NPLOC4: variants seen among roughly 807,000 people sequenced by gnomAD.
The protein encoded by NPLOC4 is NPL4 homolog, ubiquitin recognition factor, also known as nuclear protein localization protein 4 homolog.
A neutral mutation model predicts 80.6 loss-of-function variants in NPLOC4; 18 were observed. The ratio of observed to expected loss-of-function variants is 0.22; its 90% confidence interval spans 0.15 to 0.33. The LOEUF (loss-of-function observed/expected upper bound fraction) is 0.33, where lower values mean the gene tolerates loss of function less well. NPLOC4 is among the 10% of genes least tolerant of loss of function. The probability of loss-of-function intolerance (pLI) is 1.00; values close to 1 mark genes in which losing one functional copy is unlikely to be tolerated. For missense variants in NPLOC4, 540 were observed against 786.1 expected (o/e 0.69, Z 3.74); for synonymous variants, 313 against 301.5 (o/e 1.04, Z -0.39).
intron 4 of NPLOC4, among the ~76,000 whole-genome samples, 173 bp from the exon 5 acceptor site, chr17:81,610,431 T>C (rs2035310504): frequency 6.6e-6 from 1 of 152,214 alleles, no homozygotes; most frequent in Non-Finnish European, 1.5e-5. Context: ...TTGTTTTGTT[T>C]AAAGACAGGC....
At position 81,559,242 on chromosome 17, in the gene NPLOC4, AGCAGAGG is replaced by A. The variant is rs758536511; in HGVS notation, c.*10_*16del. 1.3e-6 allele frequency: 2 copies of A among 1,590,138 alleles called. No individual in the cohort carries two copies. The highest frequency in any genetic ancestry group is 1.7e-6 in the Non-Finnish European group (2 of 1,169,480). Reference sequence around the variant, plus strand: ...GGCTGGGCTGGGCCCGGTCCTAGCCAGCAGAGGGCAGGCGCCCTAGGTCCTGGGGAGG... The same window carrying A: ...GGCTGGGCTGGGCCCGGTCCTAGCCAGCAGGCGCCCTAGGTCCTGGGGAGG... On this transcript the variant is annotated 3_prime_UTR_variant, in exon 17 of 17. Coordinates refer to ENST00000331134, the MANE Select transcript of NPLOC4 (RefSeq NM_017921.4).
chr17:81,590,748 T>C (rs944082086), intron 11 of NPLOC4, among the ~76,000 whole-genome samples: 50 of 152,160 alleles, frequency 3.3e-4, no homozygotes, highest in African/African-American at 1.2e-3. Context: ...AGAAACGTAG[T>C]GCACATGGCT....
chr17:81,629,138 A>C (rs767605501), intron 2 of NPLOC4, among the ~76,000 whole-genome samples: 3 of 151,108 alleles, frequency 2.0e-5, no homozygotes, highest in Non-Finnish European at 1.5e-5. Flanking sequence ...TCGGCCTCCC[A>C]AAGTGCTGCG....
chr17:81,618,030 G>A (rs1241010504), intron 3 of NPLOC4, among the ~76,000 whole-genome samples: 1 of 152,214 alleles, frequency 6.6e-6, no homozygotes, highest in Non-Finnish European at 1.5e-5. Flanking sequence ...CCAGCCGCCT[G>A]CCTTGGCCTC....
At chr17:81,630,220 T>C (rs985077743) in intron 1 of NPLOC4, among the ~76,000 whole-genome samples, 3 of 151,798 alleles carry the variant, frequency 2.0e-5, no homozygotes, top group African/African-American at 7.3e-5. Flanking sequence ...CCAGGATCTA[T>C]ATACAAACAT....
At chr17:81,627,389 CAAA>C (rs532509354) in intron 2 of NPLOC4, among the ~76,000 whole-genome samples, 1 of 124,420 alleles carries the variant, frequency 8.0e-6, no homozygotes, top group African/African-American at 3.1e-5. Context: ...GACTCCGTCT[CAAA>C]AAAAAAAAAA....
intron 1 of NPLOC4, among the ~76,000 whole-genome samples, chr17:81,633,791 G>A (rs2035993351): frequency 6.6e-6 from 1 of 152,022 alleles, no homozygotes; most frequent in Non-Finnish European, 1.5e-5. Flanking sequence ...TGCAACCTTT[G>A]CCTGCCGAGT....
At chr17:81,590,222 C>A (rs2034701875) in intron 11 of NPLOC4, among the ~76,000 whole-genome samples, 1 of 152,234 alleles carries the variant, frequency 6.6e-6, no homozygotes, top group Non-Finnish European at 1.5e-5. Context: ...GAGCCCAGCT[C>A]CTCCATGGTT....
chr17:81,609,980 C>T (rs896205842), intron 5 of NPLOC4, among the ~76,000 whole-genome samples: 3 of 152,222 alleles, frequency 2.0e-5, no homozygotes, highest in African/African-American at 7.2e-5. Flanking sequence ...ATCACAGCCA[C>T]ACAAATGCTT....
At chr17:81,631,421 C>CATATATATATATATATATATATAT (rs1415379403) in intron 1 of NPLOC4, among the ~76,000 whole-genome samples, 2 of 49,472 alleles carry the variant, frequency 4.0e-5, no homozygotes, top group Non-Finnish European at 6.5e-5. Context: ...TTAAAGTGTA[C>CATATATATATATATATATATATAT]ATATATATAT....
At chr17:81,564,109 C>CACACACACACACACAG (rs751782727) in intron 16 of NPLOC4, 7 of 335,028 alleles carry the variant, frequency 2.1e-5, no homozygotes, top group African/African-American at 1.3e-4. Flanking sequence ...CACACACACA[C>CACACACACACACACAG]ACACACACAA....
intron 3 of NPLOC4, among the ~76,000 whole-genome samples, chr17:81,619,248 G>T (rs911941979): frequency 1.3e-5 from 2 of 151,116 alleles, no homozygotes; most frequent in African/African-American, 4.9e-5. Context: ...ATGTTGGCGG[G>T]CGCCTGTAGT....
At chr17:81,571,112 C>T (rs1190374870) in intron 13 of NPLOC4, among the ~76,000 whole-genome samples, 2 of 152,088 alleles carry the variant, frequency 1.3e-5, no homozygotes, top group African/African-American at 2.4e-5. Flanking sequence ...AATATGTTCT[C>T]GGGAGCTGTC....
intron 6 of NPLOC4, among the ~76,000 whole-genome samples, chr17:81,607,454 T>C (rs964900484): frequency 6.6e-6 from 1 of 151,590 alleles, no homozygotes; most frequent in Non-Finnish European, 1.5e-5. Flanking sequence ...GTTTTTCAAA[T>C]AAAAACGATA....
chr17:81,589,630 C>T (rs912719025), intron 11 of NPLOC4, among the ~76,000 whole-genome samples: 1 of 151,866 alleles, frequency 6.6e-6, no homozygotes, highest in Non-Finnish European at 1.5e-5. Context: ...CAGCTCCGCA[C>T]ACACTTGGCT....
intron 11 of NPLOC4, among the ~76,000 whole-genome samples, chr17:81,591,473 C>A (rs930811913): frequency 3.0e-5 from 2 of 66,926 alleles, no homozygotes; most frequent in African/African-American, 4.4e-5. Flanking sequence ...AAAAAAAAAA[C>A]CTGCTCTGGT....
chr17:81,606,704 G>A lies in NPLOC4; in HGVS notation c.641C>T (p.Thr214Met), dbSNP rs922916633. 6.8e-6 allele frequency: 11 copies of A among 1,613,270 alleles called. No individual in the cohort carries two copies. Among genetic ancestry groups the A allele is most frequent in the Admixed American group, 1.7e-5 (1 of 59,902 alleles). Reference sequence around the variant, plus strand: ...GGAACATCTCACCTGTCTGTTCAGCGTGATGGCGCTCGGCTGGCACTTAGT... The same window carrying A: ...GGAACATCTCACCTGTCTGTTCAGCATGATGGCGCTCGGCTGGCACTTAGT... The part of the protein sequence containing the change: ...ICTKCQPSAI[T>M]LNRQKYRHVD... Residue 214 changes from threonine to methionine, a missense_variant, in exon 7 of 17, where the codon ACG (threonine) becomes ATG (methionine). Physicochemically the swap from Thr to Met is moderately conservative, Grantham distance 81. Transcript: ENST00000331134.
At chr17:81,589,629 A>G (rs1309119137) in intron 11 of NPLOC4, among the ~76,000 whole-genome samples, 1 of 152,054 alleles carries the variant, frequency 6.6e-6, no homozygotes, top group Non-Finnish European at 1.5e-5. Context: ...GCAGCTCCGC[A>G]CACACTTGGC....
chr17:81,607,969 T>C (rs1190949963), intron 6 of NPLOC4, among the ~76,000 whole-genome samples: 1 of 152,232 alleles, frequency 6.6e-6, no homozygotes, highest in Non-Finnish European at 1.5e-5. Context: ...TGAAGCCTGC[T>C]ACTTTCTGGT....
Sources: allele counts gnomAD v4.1 joint callset (sites outside exome capture counted in the v4.1 genomes callset), GRCh38; gene constraint gnomAD v4.1.1; transcripts MANE v1.5; gene names NCBI Gene and HGNC (gene_info 2026-07-23, HGNC 2026-07-21).